Variants in PROM1 observed in about 807,000 individuals in gnomAD.
PROM1 encodes the protein prominin-1.
Under a neutral mutation model 116.9 loss-of-function variants are expected in PROM1, and 105 were observed. The ratio of observed to expected loss-of-function variants is 0.90; its 90% CI spans 0.77 to 1.06. PROM1 has a LOEUF of 1.06. PROM1 is among the 50% of genes least tolerant of loss of function. The probability of loss-of-function intolerance (pLI) is 0.00; values close to 1 mark genes in which losing one functional copy is unlikely to be tolerated. For missense variants in PROM1, 1,122 were observed against 1,045.2 expected (o/e 1.07, Z -1.01); for synonymous variants, 393 against 387.0 (o/e 1.02, Z -0.18).
At chr4:15,994,651 C>A (rs763443804) in intron 15 of PROM1, among the ~76,000 whole-genome samples, 13 of 152,116 alleles carry the variant, frequency 8.5e-5, no homozygotes, top group Non-Finnish European at 1.6e-4. Flanking sequence ...CCTCACCATG[C>A]CTCAATCATA....
intron 2 of PROM1, among the ~76,000 whole-genome samples, chr4:16,070,883 A>T (rs184368202): frequency 6.6e-6 from 1 of 152,282 alleles, no homozygotes; most frequent in East Asian, 1.9e-4. Flanking sequence ...CAGTTCAATG[A>T]TCCCTCCTGG....
intron 13 of PROM1, among the ~76,000 whole-genome samples, chr4:16,005,116 T>C (rs1344995390): frequency 1.3e-5 from 2 of 151,808 alleles, no homozygotes; most frequent in African/African-American, 2.4e-5. Flanking sequence ...GTGTGCACCA[T>C]CATGCCCAGC....
intron 23 of PROM1, among the ~76,000 whole-genome samples, chr4:15,983,206 G>A (rs1718404680): frequency 2.6e-5 from 4 of 152,198 alleles, no homozygotes; most frequent in Admixed American, 2.6e-4. Flanking sequence ...TTGGGGATCA[G>A]AAAAGGCTTC....
chr4:15,986,358 C>T (rs560210938), intron 20 of PROM1, among the ~76,000 whole-genome samples: 9 of 152,060 alleles, frequency 5.9e-5, no homozygotes, highest in Admixed American at 3.3e-4. Context: ...TCAGCCTCTT[C>T]ACGGTCACCA....
At chr4:15,996,852 A>T (rs1163120170) in intron 15 of PROM1, among the ~76,000 whole-genome samples, 1 of 152,178 alleles carries the variant, frequency 6.6e-6, no homozygotes, top group Non-Finnish European at 1.5e-5. Context: ...GTTCACGTGT[A>T]GGGCATGGAA....
At chr4:15,969,999 T>C (rs1211763600) in intron 27 of PROM1, among the ~76,000 whole-genome samples, 1 of 152,054 alleles carries the variant, frequency 6.6e-6, no homozygotes, top group Non-Finnish European at 1.5e-5. Flanking sequence ...TTGGAGTGCA[T>C]GAGTGTGTTG....
At position 15,979,876 on chromosome 4, in the gene PROM1, C is replaced by T; in HGVS notation, c.2513+5G>A. The T allele has an allele frequency of 6.9e-7, 1 of 1,451,078 alleles. No homozygotes were observed. Among genetic ancestry groups the T allele is most frequent in the Non-Finnish European group, 9.4e-7 (1 of 1,062,130 alleles). The allele number at this position is 1,451,078 out of a possible 1,614,324, so 89.9% of individuals were successfully genotyped here. ...TAGGAATATAGTTTTTTTAAAAAGG[C>T]TTACTTTTTCATGGGTATAGTTTCA... On this transcript the variant is annotated splice_donor_5th_base_variant and intron_variant, in intron 25 of 27. Transcript: ENST00000447510.
At chr4:15,995,376 A>C (rs569937212) in intron 15 of PROM1, among the ~76,000 whole-genome samples, 29 of 151,682 alleles carry the variant, frequency 1.9e-4, no homozygotes, top group African/African-American at 3.6e-4. Context: ...GAAAAGAAGA[A>C]GAAAAAGAAG....
Position 16,005,495 on chromosome 4 carries a change from GGTGTGTGTGTGTGTGTGTGTGTGTGT to G in PROM1, c.1454+1017_1454+1042del, listed in dbSNP as rs3221933. On this transcript the variant is annotated intron_variant, in intron 13 of 27. Coordinates refer to ENST00000447510, the MANE Select transcript of PROM1 (RefSeq NM_006017.3). Reference sequence around the variant, plus strand: ...GTGACCCAAAGTTTTTTGTTTGTTTGGTGTGTGTGTGTGTGTGTGTGTGTGTGTGTGTGTGTGTGTGTGTGTGAAAA... The same window carrying G: ...GTGACCCAAAGTTTTTTGTTTGTTTGGTGTGTGTGTGTGTGTGTGTGAAAA... 3.7e-4 allele frequency among the ~76,000 whole-genome samples: 54 copies of G among 145,904 alleles called. 1 individual carries two copies. The highest frequency in any genetic ancestry group is 1.3e-3 in the African/African-American group (51 of 38,956).
At chr4:15,977,457 C>T (rs571708091) in intron 26 of PROM1, among the ~76,000 whole-genome samples, 92 of 152,258 alleles carry the variant, frequency 6.0e-4, no homozygotes, top group African/African-American at 1.9e-3. Flanking sequence ...TGCAGGCAGC[C>T]GTACTGTCTA....
chr4:16,050,608 C>A (rs776378107), intron 2 of PROM1, among the ~76,000 whole-genome samples: 106 of 152,188 alleles, frequency 7.0e-4, no homozygotes, highest in Admixed American at 1.3e-3. Context: ...CCCACCTCGG[C>A]CTCCCGAAAA....
At chr4:15,993,841 A>G in intron 16 of PROM1, 146 bp downstream of exon 16, 16 of 1,407,768 alleles carry the variant, frequency 1.1e-5, no homozygotes, top group Non-Finnish European at 1.5e-5. Flanking sequence ...TGAAGGTTAC[A>G]CAGCCATGTA....
intron 13 of PROM1, among the ~76,000 whole-genome samples, chr4:16,001,485 A>C (rs892556946): frequency 6.6e-6 from 1 of 152,164 alleles, no homozygotes. Flanking sequence ...CAACATTTAC[A>C]AAGATGGGTG....
intron 26 of PROM1, among the ~76,000 whole-genome samples, chr4:15,976,497 A>C (rs898393722): frequency 2.0e-5 from 3 of 152,226 alleles, no homozygotes; most frequent in Non-Finnish European, 4.4e-5. Flanking sequence ...TAGAACTGGA[A>C]GTCTACCCTC....
At chr4:16,009,211 C>T in intron 11 of PROM1, 103 bp from the exon 12 acceptor site, 1 of 948,496 alleles carries the variant, frequency 1.1e-6, no homozygotes, top group Non-Finnish European at 1.6e-6. Flanking sequence ...TAGTTTTTCT[C>T]ATGTCATGTA....
intron 2 of PROM1, among the ~76,000 whole-genome samples, chr4:16,053,318 C>T (rs1482875533): frequency 6.6e-6 from 1 of 152,210 alleles, no homozygotes; most frequent in African/African-American, 2.4e-5. Flanking sequence ...TCTCTACAAT[C>T]ACTTTCCCTT....
At chr4:16,072,527 C>A (rs1743047440) in intron 2 of PROM1, among the ~76,000 whole-genome samples, 1 of 152,204 alleles carries the variant, frequency 6.6e-6, no homozygotes, top group African/African-American at 2.4e-5. Flanking sequence ...AACCTCCAAC[C>A]TATCCTTATT....
rs1727394090 is a variant in PROM1, at chr4:16,013,291, G to A, written c.1125C>T (p.Thr375=). The A allele has an allele frequency of 6.2e-7, 1 of 1,608,682 alleles. No homozygotes were observed. Among genetic ancestry groups the A allele is most frequent in the Non-Finnish European group, 8.5e-7 (1 of 1,175,174 alleles). ...NDIPDRVQRQ[T]TTVVAGIKRV... The stretch of plus-strand genomic sequence containing the variant: ...GAATCTCACCTGCTACGACAGTCGT[G>A]GTTTGGCGTTGTACTCTGTCAGGTA... The change falls in exon 11 of 28, where the codon ACC becomes ACT. Residue 375 remains threonine (T), a synonymous_variant. Coordinates refer to ENST00000447510, the MANE Select transcript of PROM1 (RefSeq NM_006017.3).
intron 26 of PROM1, 162 bp from the exon 27 acceptor site, chr4:15,971,244 T>C: frequency 1.8e-6 from 1 of 568,026 alleles, no homozygotes; most frequent in Non-Finnish European, 3.1e-6. Flanking sequence ...AAACACTGGT[T>C]ACTCTAGCTT....
Sources: allele counts gnomAD v4.1 joint callset (sites outside exome capture counted in the v4.1 genomes callset), GRCh38; gene constraint gnomAD v4.1.1; transcripts MANE v1.5; gene names NCBI Gene and HGNC (gene_info 2026-07-23, HGNC 2026-07-21).